Variants in DPP10 observed in about 807,000 individuals in gnomAD.
The protein encoded by DPP10 is inactive dipeptidyl peptidase 10.
Under a neutral mutation model 120.9 loss-of-function variants are expected in DPP10, and 33 were observed. The ratio of observed to expected loss-of-function variants is 0.27; its 90% CI spans 0.21 to 0.37. DPP10 has a LOEUF of 0.37. Ranked by LOEUF, DPP10 falls within the 10% of genes least tolerant of loss-of-function variation. DPP10 has a pLI of 1.00. For missense variants in DPP10, 816 were observed against 942.8 expected, an observed-to-expected ratio of 0.87 and a Z score of 1.76; for synonymous variants, 337 against 326.1, an observed-to-expected ratio of 1.03 and a Z score of -0.36.
At chr2:115,204,421 A>T (rs929717534) in intron 1 of DPP10, among the ~76,000 whole-genome samples, 6 of 152,166 alleles carry the variant, frequency 3.9e-5, no homozygotes, top group African/African-American at 1.4e-4. Context: ...TACTACATGG[A>T]TTATATAGAC....
intron 1 of DPP10, among the ~76,000 whole-genome samples, chr2:114,804,180 G>A (rs1017823693): frequency 5.9e-5 from 9 of 152,254 alleles, no homozygotes; most frequent in Non-Finnish European, 1.0e-4. Context: ...GAGGCTGTGG[G>A]GGCACAGAAG....
chr2:115,464,277 C>T (rs2074170734), intron 3 of DPP10, among the ~76,000 whole-genome samples: 1 of 152,114 alleles, frequency 6.6e-6, no homozygotes, highest in Non-Finnish European at 1.5e-5. Context: ...AAATATTTAA[C>T]TCATGAATCA....
intron 3 of DPP10, among the ~76,000 whole-genome samples, chr2:115,404,121 G>C (rs1025989888): frequency 2.0e-5 from 3 of 152,156 alleles, no homozygotes; most frequent in African/African-American, 7.2e-5. Context: ...AGGTTTAATG[G>C]GTTCACGCTT....
At chr2:115,144,514 G>A (rs2051112844) in intron 1 of DPP10, 1 of 151,824 alleles carries the variant, frequency 6.6e-6, no homozygotes, top group Admixed American at 6.6e-5. Context: ...TAGTTCATGG[G>A]TCAATCAGAA....
chr2:114,929,458 A>G (rs1434514566), intron 1 of DPP10, among the ~76,000 whole-genome samples: 1 of 152,166 alleles, frequency 6.6e-6, no homozygotes, highest in Non-Finnish European at 1.5e-5. Flanking sequence ...CAGAGTGTCC[A>G]TTTAGAGGCC....
At chr2:115,479,616 A>G (rs2075304679) in intron 3 of DPP10, among the ~76,000 whole-genome samples, 1 of 151,612 alleles carries the variant, frequency 6.6e-6, no homozygotes, top group Non-Finnish European at 1.5e-5. Context: ...GAAGAAACAC[A>G]GTTTAATTTT....
At chr2:114,741,512 G>A (rs1678060755) in intron 1 of DPP10, among the ~76,000 whole-genome samples, 1 of 152,176 alleles carries the variant, frequency 6.6e-6, no homozygotes, top group African/African-American at 2.4e-5. Flanking sequence ...GGAACAGGAA[G>A]AGAAAGCAGT....
At chr2:114,696,615 C>A (rs1030180464) in intron 1 of DPP10, among the ~76,000 whole-genome samples, 2 of 151,872 alleles carry the variant, frequency 1.3e-5, no homozygotes, top group Admixed American at 1.3e-4. Context: ...TATCATTTAG[C>A]AAACTAGATG....
chr2:114,461,883 G>A (rs1031331619), intron 1 of DPP10: 12 of 985,460 alleles, frequency 1.2e-5, no homozygotes, highest in South Asian at 9.4e-5. Flanking sequence ...AAAGAGACAG[G>A]TGGAGAGAGG....
intron 1 of DPP10, among the ~76,000 whole-genome samples, chr2:114,831,863 T>A (rs1350126305): frequency 3.4e-5 from 5 of 145,172 alleles, no homozygotes; most frequent in African/African-American, 1.0e-4. Context: ...AAAAAATATA[T>A]ATATATATAA....
chr2:115,123,428 G>A (rs1353818374), intron 1 of DPP10, among the ~76,000 whole-genome samples: 1 of 152,142 alleles, frequency 6.6e-6, no homozygotes, highest in African/African-American at 2.4e-5. Flanking sequence ...CTTGGGAGGG[G>A]TCACATTTGC....
intron 1 of DPP10, among the ~76,000 whole-genome samples, chr2:114,978,276 T>C (rs2104836505): frequency 6.6e-6 from 1 of 152,332 alleles, no homozygotes; most frequent in Non-Finnish European, 1.5e-5. Flanking sequence ...AGAACCAATA[T>C]ATTCTATTAT....
intron 5 of DPP10, among the ~76,000 whole-genome samples, chr2:115,540,276 A>G (rs1380017086): frequency 6.6e-6 from 1 of 151,924 alleles, no homozygotes; most frequent in Non-Finnish European, 1.5e-5. Context: ...ACTTACTTAA[A>G]CTTCATGATG....
chr2:115,816,858 G>T (rs1423483326), intron 21 of DPP10, among the ~76,000 whole-genome samples: 2 of 150,284 alleles, frequency 1.3e-5, no homozygotes, highest in African/African-American at 2.4e-5. Flanking sequence ...CTCGTGATCC[G>T]CCTGCCTTGG....
chr2:114,581,072 G>A (rs1690470412), intron 1 of DPP10, among the ~76,000 whole-genome samples: 1 of 151,566 alleles, frequency 6.6e-6, no homozygotes, highest in South Asian at 2.1e-4. Flanking sequence ...TAGGGTTTTG[G>A]CATTTCATTG....
chr2:115,491,617 C>T (rs1276358291), intron 3 of DPP10, among the ~76,000 whole-genome samples: 2 of 151,982 alleles, frequency 1.3e-5, no homozygotes, highest in Non-Finnish European at 2.9e-5. Flanking sequence ...TAGCATCTTC[C>T]TGGCTGGAAG....
intron 1 of DPP10, among the ~76,000 whole-genome samples, chr2:114,527,533 T>C (rs1007634244): frequency 2.6e-5 from 4 of 152,294 alleles, no homozygotes; most frequent in East Asian, 3.9e-4. Flanking sequence ...TTAACATTTA[T>C]GGCACATAGT....
chr2:115,380,037 G>T (rs1182841076), intron 3 of DPP10, among the ~76,000 whole-genome samples: 2 of 151,922 alleles, frequency 1.3e-5, no homozygotes, highest in East Asian at 1.9e-4. Context: ...TGTTCATTTG[G>T]GGTGGAGAGT....
At position 115,021,233 on chromosome 2, in the gene DPP10, G is replaced by A. The variant is rs190827699; in HGVS notation, c.61-288006G>A. Among the ~76,000 whole-genome samples, 480 of 152,034 alleles carry A rather than the reference G, an allele frequency of 3.2e-3. 2 individuals carry two copies. Among genetic ancestry groups the A allele is most frequent in the African/African-American group, 0.011 (467 of 41,510 alleles). On this transcript the variant is annotated intron_variant, in intron 1 of 25. Coordinates refer to ENST00000410059, the MANE Select transcript of DPP10 (RefSeq NM_020868.6). Reference sequence around the variant, plus strand: ...AAAAAGATAAATGAAACAAAATCTCGTTCTTTGAAAGGATAAATAAAATTG... The same window carrying A: ...AAAAAGATAAATGAAACAAAATCTCATTCTTTGAAAGGATAAATAAAATTG...
Sources: gnomAD v4.1 joint callset for allele counts (sites outside exome capture counted in the v4.1 genomes callset) on GRCh38, gnomAD v4.1.1 for gene constraint, MANE v1.5 for transcripts, NCBI Gene and HGNC (gene_info 2026-07-23, HGNC 2026-07-21) for gene names.